CRADD: variants seen among roughly 807,000 people sequenced by gnomAD.
CRADD encodes CARD and death domain containing adaptor protein.
A neutral mutation model predicts 15.5 loss-of-function variants in CRADD; 9 were observed. That is an observed-to-expected ratio of 0.58 (90% CI 0.35 to 1.01). The LOEUF (loss-of-function observed/expected upper bound fraction) is 1.01. Among genes scored for constraint, CRADD ranks in the 50% least tolerant of loss-of-function variants. The probability of loss-of-function intolerance (pLI) is 0.02; values close to 1 mark genes in which losing one functional copy is unlikely to be tolerated. For missense variants in CRADD, 227 were observed against 250.3 expected, an observed-to-expected ratio of 0.91 and a Z score of 0.63; for synonymous variants, 118 against 107.6, an observed-to-expected ratio of 1.10 and a Z score of -0.60.
At chr12:93,764,751 C>T (rs1957008247) in intron 2 of CRADD, among the ~76,000 whole-genome samples, 1 of 150,236 alleles carries the variant, frequency 6.7e-6, no homozygotes, top group African/African-American at 2.5e-5. Flanking sequence ...TTTTTGTCTA[C>T]AGGGAGTGGA....
At chr12:93,770,376 C>A (rs561377829) in intron 2 of CRADD, among the ~76,000 whole-genome samples, 1 of 152,116 alleles carries the variant, frequency 6.6e-6, no homozygotes, top group Admixed American at 6.6e-5. Flanking sequence ...GGATTACAAG[C>A]GTGAGCCACC....
At chr12:93,878,505 G>C (rs894030162) in intron 2 of CRADD, among the ~76,000 whole-genome samples, 1 of 152,152 alleles carries the variant, frequency 6.6e-6, no homozygotes, top group Non-Finnish European at 1.5e-5. Context: ...TGTCTCAGTA[G>C]GTCACATGCC....
intron 2 of CRADD, among the ~76,000 whole-genome samples, chr12:93,827,054 C>A (rs191266347): frequency 1.5e-4 from 23 of 152,208 alleles, no homozygotes; most frequent in South Asian, 8.3e-4. Context: ...CCCAAAAAAA[C>A]CCCCAGCTTT....
chr12:93,711,595 C>A (rs761524780), intron 2 of CRADD, among the ~76,000 whole-genome samples: 2 of 152,096 alleles, frequency 1.3e-5, no homozygotes, highest in Non-Finnish European at 2.9e-5. Flanking sequence ...GTTCCTTGAG[C>A]CCTTGAGGTT....
chr12:93,760,914 C>G (rs993496179), intron 2 of CRADD, among the ~76,000 whole-genome samples: 1 of 151,776 alleles, frequency 6.6e-6, no homozygotes, highest in South Asian at 2.1e-4. Flanking sequence ...TGAGCCAAAA[C>G]CTAAGTGATG....
At chr12:93,843,381 A>ATTCTTTTTTTTTTTTTTTTTTTTTTTT in intron 2 of CRADD, among the ~76,000 whole-genome samples, 1 of 137,058 alleles carries the variant, frequency 7.3e-6, no homozygotes, top group Non-Finnish European at 1.6e-5. Context: ...TTGTCTTTTT[A>ATTCTTTTTTTTTTTTTTTTTTTTTTTT]TTCTTTTTTT....
At chr12:93,861,235 A>T (rs74666685) in intron 2 of CRADD, among the ~76,000 whole-genome samples, 12,814 of 152,284 alleles carry the variant, frequency 0.084, 769 homozygotes, top group Non-Finnish European at 0.13. Flanking sequence ...AAGTACTGAC[A>T]TGATGGCTTT....
chr12:93,733,204 C>G (rs908986733), intron 2 of CRADD, among the ~76,000 whole-genome samples: 7 of 152,138 alleles, frequency 4.6e-5, no homozygotes, highest in African/African-American at 1.7e-4. Context: ...TATTTTTCCT[C>G]TTCTCTTTTT....
Position 93,825,315 on chromosome 12 carries a change from A to G in CRADD, c.299-24655A>G, listed in dbSNP as rs540810345. Among the ~76,000 whole-genome samples the G allele has an allele frequency of 2.0e-5, 3 of 152,356 alleles. No homozygotes were observed. The East Asian group carries it at 5.8e-4, about 29-fold the overall frequency. On this transcript the variant is annotated intron_variant, in intron 2 of 2. Transcript: ENST00000332896. ...AAGAGCACTGACTCTGGAGCCAGAA[A>G]GACCTGGAGCCAGACAGGCTCTGTC... is the stretch of plus-strand genomic sequence containing the variant.
intron 2 of CRADD, among the ~76,000 whole-genome samples, chr12:93,886,402 C>G (rs990956182): frequency 6.6e-6 from 1 of 152,128 alleles, no homozygotes; most frequent in Non-Finnish European, 1.5e-5. Context: ...CTCAAGCGAT[C>G]TGTCCGCCTT....
intron 2 of CRADD, among the ~76,000 whole-genome samples, chr12:93,867,048 G>T (rs2137063318): frequency 6.6e-6 from 1 of 152,144 alleles, no homozygotes; most frequent in South Asian, 2.1e-4. Flanking sequence ...GAGCAGGGAG[G>T]ATTTGTATTT....
chr12:93,693,349 T>G (rs559849171), intron 2 of CRADD, among the ~76,000 whole-genome samples: 101 of 152,230 alleles, frequency 6.6e-4, no homozygotes, highest in Non-Finnish European at 9.3e-4. Flanking sequence ...CCACAAAAGA[T>G]TCACTTCCTT....
At chr12:93,787,222 A>C (rs1480953047) in intron 2 of CRADD, among the ~76,000 whole-genome samples, 1 of 149,694 alleles carries the variant, frequency 6.7e-6, no homozygotes, top group African/African-American at 2.5e-5. Flanking sequence ...TTCATCACTA[A>C]GTCAGCCTCA....
In CRADD at chr12:93,776,345, T is replaced by TG. The variant is rs552775493; in HGVS notation, c.299-73624dup. ...GTAAAGGGGTTATTTGTAGGGGACT[T>TG]GCAATGGAATTTCTAGGTTGAAGAG... On this transcript the variant is annotated intron_variant, in intron 2 of 2. Transcript: ENST00000332896. 2.8e-3 allele frequency among the ~76,000 whole-genome samples: 423 copies of TG among 152,358 alleles called. 2 individuals carry two copies. The highest frequency in any genetic ancestry group is 9.6e-3 in the African/African-American group (399 of 41,588).
At chr12:93,685,167 C>T (rs1030850228) in intron 2 of CRADD, among the ~76,000 whole-genome samples, 8 of 152,010 alleles carry the variant, frequency 5.3e-5, no homozygotes, top group African/African-American at 1.9e-4. Flanking sequence ...TTTTTTGTGT[C>T]AACTTAATGG....
At chr12:93,702,716 C>T (rs915685377) in intron 2 of CRADD, among the ~76,000 whole-genome samples, 4 of 151,968 alleles carry the variant, frequency 2.6e-5, no homozygotes, top group South Asian at 2.1e-4. Context: ...TGTTCCACCA[C>T]CCCCAATCTT....
intron 2 of CRADD, among the ~76,000 whole-genome samples, chr12:93,798,429 A>G (rs1957443794): frequency 2.0e-5 from 3 of 152,186 alleles, no homozygotes; most frequent in African/African-American, 7.2e-5. Flanking sequence ...TCACTCTTGT[A>G]AGAATTTTAC....
At chr12:93,725,875 T>G (rs903814353) in intron 2 of CRADD, among the ~76,000 whole-genome samples, 1 of 152,114 alleles carries the variant, frequency 6.6e-6, no homozygotes, top group Non-Finnish European at 1.5e-5. Flanking sequence ...CTGCCTGTAA[T>G]GTAGGTATTT....
At chr12:93,716,775 C>T (rs1420922691) in intron 2 of CRADD, among the ~76,000 whole-genome samples, 2 of 152,148 alleles carry the variant, frequency 1.3e-5, no homozygotes, top group Non-Finnish European at 2.9e-5. Context: ...ATCCATTCAC[C>T]TACTGAAGGA....
Sources: gnomAD v4.1 joint callset for allele counts (sites outside exome capture counted in the v4.1 genomes callset) on GRCh38, gnomAD v4.1.1 for gene constraint, MANE v1.5 for transcripts, NCBI Gene and HGNC (gene_info 2026-07-23, HGNC 2026-07-21) for gene names.